IKZF2: variants seen among roughly 807,000 people sequenced by gnomAD.
The protein encoded by IKZF2 is IKAROS family zinc finger 2.
IKZF2 carries 15 observed loss-of-function variants against 49.2 expected under a neutral mutation model. The observed-to-expected ratio is 0.30, with a 90% confidence interval of 0.20 to 0.47. The LOEUF (loss-of-function observed/expected upper bound fraction) is 0.47, where lower values mean the gene tolerates loss of function less well. Among genes scored for constraint, IKZF2 ranks in the 20% least tolerant of loss-of-function variants. IKZF2 has a pLI of 1.00. For synonymous variants in IKZF2, 227 were observed against 221.4 expected (o/e 1.03, Z -0.23); for missense variants, 567 against 664.6 (o/e 0.85, Z 1.61).
In IKZF2 at chr2:213,001,642, A is replaced by C. The variant is rs1243470087; in HGVS notation, c.*5718T>G. ...AAAAAAAAATTAAGATTAAATTACCAATGAACTAGAAATAAGAGTTGACCT... is the reference window on the plus strand; with the variant it reads ...AAAAAAAAATTAAGATTAAATTACCCATGAACTAGAAATAAGAGTTGACCT... On this transcript the variant is annotated 3_prime_UTR_variant, in exon 9 of 9. Coordinates refer to ENST00000434687, the MANE Select transcript of IKZF2 (RefSeq NM_001387220.1). The C allele has an allele frequency of 6.6e-6, 1 of 151,840 alleles. No homozygotes were observed. The highest frequency in any genetic ancestry group is 2.4e-5 in the African/African-American group (1 of 41,404). The allele number at this position is 151,840 out of a possible 1,614,324, so 9.4% of individuals were successfully genotyped here. A position where few individuals can be genotyped will look rare whatever the true frequency, so the allele number is the denominator to read the frequency against.
chr2:213,077,418 T>C (rs2125537851), intron 4 of IKZF2, among the ~76,000 whole-genome samples: 1 of 152,272 alleles, frequency 6.6e-6, no homozygotes, highest in East Asian at 1.9e-4. Flanking sequence ...TGCCATGAAC[T>C]ACCTCTTATC....
At chr2:213,040,351 T>G (rs1047963825) in intron 6 of IKZF2, among the ~76,000 whole-genome samples, 1 of 151,928 alleles carries the variant, frequency 6.6e-6, no homozygotes. Flanking sequence ...TACTCTCCAA[T>G]AGGCCCCAGT....
intron 7 of IKZF2, among the ~76,000 whole-genome samples, chr2:213,017,507 A>G (rs763828864): frequency 1.3e-5 from 2 of 152,160 alleles, no homozygotes; most frequent in African/African-American, 2.4e-5. Context: ...TATTTACTCC[A>G]TCAGCCATGC....
intron 4 of IKZF2, among the ~76,000 whole-genome samples, chr2:213,107,150 C>T (rs993113522): frequency 3.3e-5 from 5 of 152,070 alleles, no homozygotes; most frequent in African/African-American, 7.2e-5. Context: ...CTTAGGGTTC[C>T]CTCAGACACA....
At chr2:213,032,733 A>C (rs190988273) in intron 6 of IKZF2, among the ~76,000 whole-genome samples, 3 of 152,316 alleles carry the variant, frequency 2.0e-5, no homozygotes, top group Admixed American at 6.5e-5. Flanking sequence ...ATACATACAC[A>C]TACACTGTAA....
At chr2:213,078,035 A>G (rs1478903037) in intron 4 of IKZF2, among the ~76,000 whole-genome samples, 1 of 152,150 alleles carries the variant, frequency 6.6e-6, no homozygotes, top group East Asian at 1.9e-4. Flanking sequence ...CCGTCTTAAG[A>G]GCTTTATGAT....
intron 4 of IKZF2, among the ~76,000 whole-genome samples, chr2:213,127,189 A>C (rs1316824095): frequency 6.6e-6 from 1 of 152,218 alleles, no homozygotes; most frequent in East Asian, 1.9e-4. Flanking sequence ...TTAGCTATGA[A>C]AACTGTAAAT....
Position 213,007,938 on chromosome 2 carries a change from G to T in IKZF2, c.1003C>A (p.Pro335Thr), listed in dbSNP as rs1345060032. ...ITYLGAEALHPLMQHPPSTIA... is the reference protein window; with the variant it reads ...ITYLGAEALHTLMQHPPSTIA... Reference sequence around the variant, plus strand: ...GTGCTTGGCGGGTGCTGCATCAGAGGGTGAAGGGCCTCAGCTCCAAGGTAG... The same window carrying T: ...GTGCTTGGCGGGTGCTGCATCAGAGTGTGAAGGGCCTCAGCTCCAAGGTAG... The change falls in exon 9 of 9, where the codon CCT (proline) becomes ACT (threonine). Residue 335 changes from proline (P) to threonine (T), a missense_variant. This residue lies in a region of IKZF2 where 310 missense variants were observed against 326.9 expected (regional missense o/e 0.95). Coordinates refer to ENST00000434687, the MANE Select transcript of IKZF2 (RefSeq NM_001387220.1). 6.2e-7 allele frequency: 1 copy of T among 1,613,508 alleles called. No individual in the cohort carries two copies. Among genetic ancestry groups the T allele is most frequent in the Non-Finnish European group, 8.5e-7 (1 of 1,179,718 alleles).
chr2:213,076,520 T>C (rs1703281326), intron 4 of IKZF2, among the ~76,000 whole-genome samples: 1 of 152,200 alleles, frequency 6.6e-6, no homozygotes, highest in Non-Finnish European at 1.5e-5. Flanking sequence ...TTAAATTAAA[T>C]GAAATATGTA....
In IKZF2 at chr2:213,133,732, A is replaced by AAAT. The variant is rs754889696; in HGVS notation, c.139+13975_139+13976insATT. On this transcript the variant is annotated intron_variant, in intron 4 of 8. Coordinates refer to ENST00000434687, the MANE Select transcript of IKZF2 (RefSeq NM_001387220.1). ...TAAATAAATAAATAAATAAATAAATAAAATAAATATTCACTATTTTCCAGT... is the reference window on the plus strand; with the variant it reads ...TAAATAAATAAATAAATAAATAAATAAATAAATAAATATTCACTATTTTCCAGT... Among the ~76,000 whole-genome samples the AAAT allele has an allele frequency of 3.9e-3, 552 of 143,168 alleles. 1 individual carries two copies. The highest frequency in any genetic ancestry group is 8.1e-3 in the African/African-American group (324 of 39,872). The allele number at this position is 143,168 out of a possible 152,430, so 93.9% of individuals were successfully genotyped here.
In IKZF2 at chr2:213,034,804, C is replaced by T. The variant is rs1263525573; in HGVS notation, c.575-12674G>A. On this transcript the variant is annotated intron_variant, in intron 6 of 8. Transcript: ENST00000434687. The stretch of plus-strand genomic sequence containing the variant: ...GTGTCATTGGAAAAATGGTATCAAC[C>T]GACTTGCTTGGAATTAGGGTTACCA... Among the ~76,000 whole-genome samples, 5 of 152,086 alleles carry T rather than the reference C, an allele frequency of 3.3e-5. No homozygotes were observed. The East Asian group carries it at 7.7e-4, about 23-fold the overall frequency.
intron 5 of IKZF2, among the ~76,000 whole-genome samples, 180 bp from the exon 6 acceptor site, chr2:213,050,060 T>C (rs1230103826): frequency 6.6e-6 from 1 of 152,140 alleles, no homozygotes; most frequent in Non-Finnish European, 1.5e-5. Flanking sequence ...AGTCTTAAGT[T>C]TTACATCAAA....
chr2:213,039,378 T>G (rs1574584055), intron 6 of IKZF2, among the ~76,000 whole-genome samples: 1 of 152,112 alleles, frequency 6.6e-6, no homozygotes, highest in East Asian at 1.9e-4. Context: ...CTAAAAATGT[T>G]TTTTAGTTGG....
intron 6 of IKZF2, among the ~76,000 whole-genome samples, chr2:213,041,815 T>A (rs1440345943): frequency 1.3e-5 from 2 of 152,184 alleles, no homozygotes; most frequent in African/African-American, 4.8e-5. Context: ...CTGTGAAGAC[T>A]CAATATAAAC....
intron 6 of IKZF2, among the ~76,000 whole-genome samples, chr2:213,031,605 G>C (rs1037600444): frequency 4.6e-5 from 7 of 152,130 alleles, no homozygotes; most frequent in African/African-American, 1.7e-4. Flanking sequence ...CATTTCCTCA[G>C]ATTTCTTGAA....
intron 7 of IKZF2, 185 bp from the exon 8 acceptor site, chr2:213,014,119 G>T (rs926518970): frequency 2.2e-6 from 1 of 457,418 alleles, no homozygotes; most frequent in Non-Finnish European, 3.9e-6. Context: ...ATACACCAGA[G>T]GATTTGTTTT....
At chr2:213,093,838 C>T (rs62187854) in intron 4 of IKZF2, among the ~76,000 whole-genome samples, 1 of 152,146 alleles carries the variant, frequency 6.6e-6, no homozygotes, top group Non-Finnish European at 1.5e-5. Flanking sequence ...GAAGAAAGAT[C>T]AACTACATGA....
At chr2:213,008,129 TACA>T (rs147995454) in intron 8 of IKZF2, 45 bp from the exon 9 acceptor site, 318,176 of 1,333,538 alleles carry the variant, frequency 0.24, 27,654 homozygotes, top group Non-Finnish European at 0.26. Flanking sequence ...AAAAAAAAAA[TACA>T]ACAACATTAG....
intron 4 of IKZF2, among the ~76,000 whole-genome samples, chr2:213,104,510 T>C (rs1468935265): frequency 6.6e-6 from 1 of 152,106 alleles, no homozygotes; most frequent in Non-Finnish European, 1.5e-5. Flanking sequence ...TTTTTCCACA[T>C]TTTCTAACTA....
Sources: allele counts gnomAD v4.1 joint callset (sites outside exome capture counted in the v4.1 genomes callset), GRCh38; gene constraint gnomAD v4.1.1; regional missense constraint gnomAD v4.1.1; transcripts MANE v1.5; gene names NCBI Gene and HGNC (gene_info 2026-07-23, HGNC 2026-07-21).